RUFY1: variants seen among roughly 807,000 people sequenced by gnomAD.
RUFY1 encodes RUN and FYVE domain-containing protein 1.
Under a neutral mutation model 94.6 loss-of-function variants are expected in RUFY1, and 54 were observed. The observed-to-expected ratio is 0.57, with a 90% CI of 0.46 to 0.72. The LOEUF (loss-of-function observed/expected upper bound fraction) is 0.72. Among genes scored for constraint, RUFY1 ranks in the 30% least tolerant of loss-of-function variants. RUFY1 has a pLI of 0.00. For missense variants in RUFY1, 883 were observed against 883.9 expected (o/e 1.00, Z 0.01); for synonymous variants, 396 against 347.3 (o/e 1.14, Z -1.56).
At chr5:179,580,245 ATT>A (rs1284315225) in intron 6 of RUFY1, among the ~76,000 whole-genome samples, 2 of 81,672 alleles carry the variant, frequency 2.4e-5, no homozygotes, top group African/African-American at 5.4e-5. Context: ...GTGTGTGTAT[ATT>A]TTTTTTTTTT....
intron 14 of RUFY1, among the ~76,000 whole-genome samples, chr5:179,601,636 T>A (rs570400954): frequency 6.6e-6 from 1 of 150,544 alleles, no homozygotes; most frequent in South Asian, 2.1e-4. Flanking sequence ...CTGGCCAACA[T>A]GGTGAAACCC....
rs1306941731 is a variant in RUFY1, at chr5:179,609,596, T to C, written c.*77T>C. The C allele has an allele frequency of 3.7e-6, 5 of 1,360,750 alleles. No homozygotes were observed. The highest frequency in any genetic ancestry group is 1.5e-5 in the African/African-American group (1 of 67,768). The allele number at this position is 1,360,750 out of a possible 1,614,324, so 84.3% of individuals were successfully genotyped here. A position where few individuals can be genotyped will look rare whatever the true frequency, so the allele number is the denominator to read the frequency against. Reference sequence around the variant, plus strand: ...CTCCAGGGGCTTGGGAAATGTGTTCTTTCCCAAGAGTATCAAAGGAAAGAA... The same window carrying C: ...CTCCAGGGGCTTGGGAAATGTGTTCCTTCCCAAGAGTATCAAAGGAAAGAA... On this transcript the variant is annotated 3_prime_UTR_variant, in exon 18 of 18. Transcript: ENST00000319449.
rs777985686 is a variant in RUFY1 at position 179,593,443 on chromosome 5, TTTA to T, written c.1246-34_1246-32del. 1.9e-6 allele frequency: 3 copies of T among 1,575,226 alleles called. 1 individual carries two copies. In the South Asian group the frequency reaches 3.3e-5, roughly 18 times the overall value. On this transcript the variant is annotated intron_variant, in intron 10 of 17. Coordinates refer to ENST00000319449, the MANE Select transcript of RUFY1 (RefSeq NM_025158.5). ...AGTTAAATACATTTCTGTGATCTATTTTAATAACATTTTCCTTGTAAATATCCT... is the reference window on the plus strand; with the variant it reads ...AGTTAAATACATTTCTGTGATCTATTATAACATTTTCCTTGTAAATATCCT...
chr5:179,562,936 GTACAC>G (rs1182091867), intron 3 of RUFY1: 2 of 345,234 alleles, frequency 5.8e-6, no homozygotes, highest in Admixed American at 9.2e-5. Context: ...GGAACTACTG[GTACAC>G]TCCTGGAATC....
At chr5:179,560,221 G>T in intron 2 of RUFY1, 23 bp downstream of exon 2, 2 of 1,606,722 alleles carry the variant, frequency 1.2e-6, no homozygotes, top group South Asian at 2.2e-5. Context: ...GGGCGTTTGG[G>T]AGCGTGGAAG....
intron 1 of RUFY1, among the ~76,000 whole-genome samples, chr5:179,551,449 T>A (rs1581403986): frequency 6.6e-6 from 1 of 152,236 alleles, no homozygotes; most frequent in East Asian, 1.9e-4. Context: ...TGCTATCCAA[T>A]ACAACAGCAC....
intron 15 of RUFY1, chr5:179,602,661 T>C (rs530416965): frequency 2.9e-4 from 44 of 152,342 alleles, no homozygotes; most frequent in African/African-American, 1.0e-3. Context: ...GGGCGCATGG[T>C]TGCAAGTAAC....
At chr5:179,583,256 C>T (rs530644684) in intron 7 of RUFY1, among the ~76,000 whole-genome samples, 8 of 151,512 alleles carry the variant, frequency 5.3e-5, no homozygotes, top group South Asian at 2.1e-4. Flanking sequence ...GCTGAGATTG[C>T]GCCACTGCAC....
chr5:179,572,507 A>G, intron 5 of RUFY1: 1 of 205,478 alleles, frequency 4.9e-6, no homozygotes, highest in Non-Finnish European at 1.0e-5. Context: ...GTGTGCTGAA[A>G]ACCAATGAGG....
At chr5:179,587,078 G>A (rs1270694438) in intron 8 of RUFY1, among the ~76,000 whole-genome samples, 1 of 152,094 alleles carries the variant, frequency 6.6e-6, no homozygotes, top group African/African-American at 2.4e-5. Flanking sequence ...TTTTGAGACA[G>A]GGTCTCACTC....
chr5:179,580,237 G>GTA (rs1413360910), intron 6 of RUFY1, among the ~76,000 whole-genome samples: 70 of 47,182 alleles, frequency 1.5e-3, no homozygotes, highest in East Asian at 8.8e-3. Flanking sequence ...GTGTGTGTGT[G>GTA]TGTGTATATT....
chr5:179,586,875 A>G (rs558846962), intron 8 of RUFY1, among the ~76,000 whole-genome samples: 1 of 152,322 alleles, frequency 6.6e-6, no homozygotes, highest in South Asian at 2.1e-4. Flanking sequence ...GTAATAATAC[A>G]TCCTTTACTG....
chr5:179,604,111 G>C (rs1170235216), intron 15 of RUFY1, among the ~76,000 whole-genome samples: 1 of 152,150 alleles, frequency 6.6e-6, no homozygotes, highest in Admixed American at 6.5e-5. Flanking sequence ...GGCACTACCG[G>C]CTAACCTAGC....
intron 5 of RUFY1, 50 bp from the exon 6 acceptor site, chr5:179,577,025 T>G: frequency 8.0e-7 from 1 of 1,250,430 alleles, no homozygotes; most frequent in Non-Finnish European, 1.2e-6. Flanking sequence ...TTGTAAAGTT[T>G]ATGAAAAATA....
At chr5:179,601,162 T>C (rs903919077) in intron 14 of RUFY1, among the ~76,000 whole-genome samples, 1 of 151,068 alleles carries the variant, frequency 6.6e-6, no homozygotes, top group African/African-American at 2.5e-5. Flanking sequence ...TGCATTTTGC[T>C]CTTTTTTTTG....
At chr5:179,585,297 C>T (rs1158597202) in intron 7 of RUFY1, among the ~76,000 whole-genome samples, 1 of 152,030 alleles carries the variant, frequency 6.6e-6, no homozygotes. Flanking sequence ...AGAAATAGGC[C>T]GGGCACAGTG....
chr5:179,559,793 A>T, intron 1 of RUFY1: 2 of 1,280,382 alleles, frequency 1.6e-6, no homozygotes, highest in Non-Finnish European at 2.0e-6. Context: ...CCTCTGGAGC[A>T]GGAGGCCCAG....
intron 5 of RUFY1, among the ~76,000 whole-genome samples, chr5:179,576,421 CTTATT>C (rs1339316942): frequency 6.6e-5 from 10 of 151,898 alleles, no homozygotes; most frequent in Non-Finnish European, 1.3e-4. Flanking sequence ...TTATTTTTAT[CTTATT>C]TTATTTTATT....
At position 179,561,311 on chromosome 5, in the gene RUFY1, G is replaced by A. The variant is rs75972168; in HGVS notation, c.484+1113G>A. Among the ~76,000 whole-genome samples, 1,896 of 152,212 alleles carry A rather than the reference G, an allele frequency of 0.012. 126 individuals carry two copies. The East Asian group carries it at 0.2, about 16-fold the overall frequency. On this transcript the variant is annotated intron_variant, in intron 2 of 17. Transcript: ENST00000319449. Reference sequence around the variant, plus strand: ...AGCTTGAGAAAGACTCCAGGTAACAGGTGTGCTAAGTGTGCTGAGGGAGAG... The same window carrying A: ...AGCTTGAGAAAGACTCCAGGTAACAAGTGTGCTAAGTGTGCTGAGGGAGAG...
Sources: allele counts gnomAD v4.1 joint callset (sites outside exome capture counted in the v4.1 genomes callset), GRCh38; gene constraint gnomAD v4.1.1; transcripts MANE v1.5; gene names NCBI Gene and HGNC (gene_info 2026-07-23, HGNC 2026-07-21).